Variants in ARHGAP6 observed in about 807,000 individuals in gnomAD.
ARHGAP6 encodes rho GTPase-activating protein 6.
In ARHGAP6, 16 loss-of-function variants were observed where a neutral mutation model predicts 55.7. The ratio of observed to expected loss-of-function variants is 0.29; its 90% CI spans 0.19 to 0.44. The LOEUF (loss-of-function observed/expected upper bound fraction) is 0.44, where lower values mean the gene tolerates loss of function less well. Among genes scored for constraint, ARHGAP6 ranks in the 20% least tolerant of loss-of-function variants. The pLI is 1.00. For synonymous variants in ARHGAP6, 382 were observed against 360.9 expected (o/e 1.06, Z -0.66); for missense variants, 698 against 808.9 (o/e 0.86, Z 1.66).
At chrX:11,205,045 G>C (rs2046685191) in intron 2 of ARHGAP6, among the ~76,000 whole-genome samples, 1 of 111,362 alleles carries the variant, frequency 9.0e-6, no homozygotes, top group Non-Finnish European at 1.9e-5. Context: ...GCACAGAGTA[G>C]ATGCTCAAGA....
intron 1 of ARHGAP6, among the ~76,000 whole-genome samples, chrX:11,358,474 T>C (rs1789136366): frequency 1.0e-5 from 1 of 98,397 alleles, no homozygotes; most frequent in East Asian, 3.0e-4. Flanking sequence ...TCTTTCTTTC[T>C]TTCTTTCTTT....
intron 1 of ARHGAP6, among the ~76,000 whole-genome samples, chrX:11,269,387 A>G (rs2047667272): frequency 8.9e-6 from 1 of 112,006 alleles, no homozygotes; most frequent in African/African-American, 3.2e-5. Flanking sequence ...GAAAGTCTTT[A>G]ATATAAAAGA....
chrX:11,545,424 G>A (rs1310928587), intron 1 of ARHGAP6, among the ~76,000 whole-genome samples: 1 of 111,442 alleles, frequency 9.0e-6, no homozygotes, highest in Non-Finnish European at 1.9e-5. Context: ...TCCCTTCAAG[G>A]TTTTGCATAG....
At position 11,169,586 on chromosome X, in the gene ARHGAP6, C is replaced by G. The variant is rs1347393312; in HGVS notation, c.1728G>C (p.Gln576His). The G allele has an allele frequency of 1.7e-6, 2 of 1,209,379 alleles. No individual in the cohort carries two copies. The highest frequency in any genetic ancestry group is 2.2e-6 in the Non-Finnish European group (2 of 894,572). Residue 576 changes from glutamine to histidine, a missense_variant, in exon 9 of 13, where the codon CAG (glutamine) becomes CAC (histidine). Around this residue, in one of 3 missense-constraint regions of ARHGAP6, gnomAD observed 322 missense variants for 451.1 expected, o/e 0.71. Coordinates refer to ENST00000337414, the MANE Select transcript of ARHGAP6 (RefSeq NM_013427.3). Reference sequence around the variant, plus strand: ...TGCTCTCCTCAGCCCGGGCTGAACTCTGAACTGAGAATTCTTTGTCTGATG... The same window carrying G: ...TGCTCTCCTCAGCCCGGGCTGAACTGTGAACTGAGAATTCTTTGTCTGATG... Reference protein sequence around the residue: ...QKSSDKEFSVQSSARAEESTA... With the variant: ...QKSSDKEFSVHSSARAEESTA...
chrX:11,405,692 A>G (rs2049601476), intron 1 of ARHGAP6, among the ~76,000 whole-genome samples: 1 of 112,028 alleles, frequency 8.9e-6, no homozygotes, highest in African/African-American at 3.2e-5. Context: ...ATTAATAATT[A>G]TGATTAAGTC....
At chrX:11,427,550 C>A (rs1009686548) in intron 1 of ARHGAP6, 2 of 928,218 alleles carry the variant, frequency 2.2e-6, no homozygotes, top group Non-Finnish European at 2.7e-6. Flanking sequence ...ACACTCACCG[C>A]GTAGTGCAGC....
chrX:11,652,591 A>T (rs753180070), intron 1 of ARHGAP6, among the ~76,000 whole-genome samples: 23 of 112,479 alleles, frequency 2.0e-4, no homozygotes, highest in African/African-American at 7.1e-4. Flanking sequence ...CTCAGAAAGC[A>T]AGCTAGGCCA....
chrX:11,458,346 G>C (rs2050213077), intron 1 of ARHGAP6, among the ~76,000 whole-genome samples: 1 of 112,198 alleles, frequency 8.9e-6, no homozygotes, highest in Non-Finnish European at 1.9e-5. Context: ...AAAAGCAGCA[G>C]GGCAGGAATA....
At chrX:11,240,836 G>T (rs1324228254) in intron 2 of ARHGAP6, among the ~76,000 whole-genome samples, 1 of 106,878 alleles carries the variant, frequency 9.4e-6, no homozygotes, top group African/African-American at 3.4e-5. Context: ...CTTGAGCTAA[G>T]AAGTTTGAGA....
intron 1 of ARHGAP6, among the ~76,000 whole-genome samples, chrX:11,647,745 T>G (rs1390527233): frequency 8.9e-6 from 1 of 112,360 alleles, no homozygotes; most frequent in African/African-American, 3.2e-5. Flanking sequence ...TTTACTAACA[T>G]AGATAAACAG....
chrX:11,197,219 A>G (rs1046586950), intron 2 of ARHGAP6, among the ~76,000 whole-genome samples: 16 of 111,787 alleles, frequency 1.4e-4, no homozygotes, highest in African/African-American at 5.2e-4. Flanking sequence ...CAGTCATGGA[A>G]TGATAGGAAA....
At chrX:11,298,235 G>A (rs779323924) in intron 1 of ARHGAP6, 5 of 1,211,215 alleles carry the variant, frequency 4.1e-6, no homozygotes, top group Non-Finnish European at 5.6e-6. Context: ...TTTCTCTTAA[G>A]GTGCTTACCC....
At chrX:11,590,441 ATTG>A (rs1330945021) in intron 1 of ARHGAP6, among the ~76,000 whole-genome samples, 6 of 92,350 alleles carry the variant, frequency 6.5e-5, no homozygotes, top group South Asian at 5.0e-4. Context: ...ACTTTTAAAA[ATTG>A]TTGAATTATT....
At chrX:11,571,473 C>T (rs1336581948) in intron 1 of ARHGAP6, among the ~76,000 whole-genome samples, 2 of 110,235 alleles carry the variant, frequency 1.8e-5, no homozygotes, top group Admixed American at 9.8e-5. Context: ...GGTACTGCTA[C>T]GAAGGGATTT....
intron 1 of ARHGAP6, among the ~76,000 whole-genome samples, chrX:11,641,629 T>G (rs911101697): frequency 1.8e-5 from 2 of 112,044 alleles, no homozygotes; most frequent in African/African-American, 6.5e-5. Context: ...TAAAAGCATG[T>G]ATTTAAATTA....
intron 1 of ARHGAP6, among the ~76,000 whole-genome samples, chrX:11,424,882 C>T (rs1340655002): frequency 8.9e-6 from 1 of 112,371 alleles, no homozygotes; most frequent in Non-Finnish European, 1.9e-5. Context: ...TTGAAAATGT[C>T]TGTTTATGTA....
intron 1 of ARHGAP6, among the ~76,000 whole-genome samples, chrX:11,374,458 G>C (rs2049177696): frequency 8.9e-6 from 1 of 111,774 alleles, no homozygotes; most frequent in Non-Finnish European, 1.9e-5. Context: ...ATTTTCTATT[G>C]GACAATGCTG....
At chrX:11,441,649 G>C (rs2050040124) in intron 1 of ARHGAP6, among the ~76,000 whole-genome samples, 1 of 111,591 alleles carries the variant, frequency 9.0e-6, no homozygotes. Flanking sequence ...CCAAGCACAG[G>C]GGCCATGCCA....
At chrX:11,406,548 C>T (rs985533536) in intron 1 of ARHGAP6, among the ~76,000 whole-genome samples, 1 of 111,407 alleles carries the variant, frequency 9.0e-6, no homozygotes, top group Non-Finnish European at 1.9e-5. Context: ...CCATGACTAT[C>T]AGCCAGTTAA....
Sources: gnomAD v4.1 joint callset for allele counts (sites outside exome capture counted in the v4.1 genomes callset) on GRCh38, gnomAD v4.1.1 for gene constraint, gnomAD v4.1.1 regional missense constraint, MANE v1.5 for transcripts, NCBI Gene and HGNC (gene_info 2026-07-23, HGNC 2026-07-21) for gene names.